Variants in RBFOX3 observed in about 807,000 individuals in gnomAD.
The protein encoded by RBFOX3 is RNA binding protein fox-1 homolog 3.
In RBFOX3, 17 loss-of-function variants were observed where a neutral mutation model predicts 48.7. That is an observed-to-expected ratio of 0.35 (90% CI 0.24 to 0.52). The LOEUF (loss-of-function observed/expected upper bound fraction) is 0.52, where lower values mean the gene tolerates loss of function less well. Among genes scored for constraint, RBFOX3 ranks in the 20% least tolerant of loss-of-function variants. The pLI is 0.94. For synonymous variants in RBFOX3, 212 were observed against 209.5 expected, an observed-to-expected ratio of 1.01 and a Z score of -0.10; for missense variants, 382 against 497.5, an observed-to-expected ratio of 0.77 and a Z score of 2.21.
intron 2 of RBFOX3, among the ~76,000 whole-genome samples, chr17:79,400,186 G>A (rs939078769): frequency 6.6e-6 from 1 of 152,104 alleles, no homozygotes; most frequent in Admixed American, 6.5e-5. Context: ...AAACTGGGTG[G>A]CTCAGAGCAA....
At chr17:79,170,036 A>G (rs563874793) in intron 4 of RBFOX3, among the ~76,000 whole-genome samples, 1 of 144,418 alleles carries the variant, frequency 6.9e-6, no homozygotes, top group Non-Finnish European at 1.5e-5. Context: ...GAAGGAGAGA[A>G]GGAAGGAGAA....
chr17:79,224,375 C>G (rs1167132545), intron 4 of RBFOX3, among the ~76,000 whole-genome samples: 1 of 152,220 alleles, frequency 6.6e-6, no homozygotes, highest in Non-Finnish European at 1.5e-5. Context: ...GTGGACTTTC[C>G]CTTCCACAGG....
At position 79,549,833 on chromosome 17, in the gene RBFOX3, A is replaced by G. The variant is rs549214442; in HGVS notation, c.-320+60993T>C. Among the ~76,000 whole-genome samples the G allele has an allele frequency of 4.6e-5, 7 of 152,342 alleles. No individual in the cohort carries two copies. In the South Asian group the frequency reaches 1.5e-3, roughly 32 times the overall value. On this transcript the variant is annotated intron_variant, in intron 1 of 14. Coordinates refer to ENST00000693108, the MANE Select transcript of RBFOX3 (RefSeq NM_001350451.2). ...GCCTGGTCAGAGCTAACGTTCAATC[A>G]AGAATGTCGAATCGTCATAAAAAGT...
At chr17:79,646,465 G>A in the RBFOX3 span, among the ~76,000 whole-genome samples, 1 of 152,204 alleles carries the variant, frequency 6.6e-6, no homozygotes, top group Admixed American at 6.5e-5. Context: ...CACAGTCATG[G>A]CAGAAGGCAA....
chr17:79,173,219 A>ATACATACATACATAC lies in RBFOX3; in HGVS notation c.-33-57472_-33-57471insGTATGTATGTATGTA, dbSNP rs1555730608. Among the ~76,000 whole-genome samples the ATACATACATACATAC allele has an allele frequency of 1.7e-3, 253 of 150,706 alleles. 3 individuals are homozygous for ATACATACATACATAC. The highest frequency in any genetic ancestry group is 3.2e-3 in the African/African-American group (132 of 40,640). ...AACGAGACTGTCAAATAAATAAATA[A>ATACATACATACATAC]ATACATACATACATACATACGTACA... On this transcript the variant is annotated intron_variant, in intron 4 of 14. Coordinates refer to ENST00000693108, the MANE Select transcript of RBFOX3 (RefSeq NM_001350451.2).
the RBFOX3 span, among the ~76,000 whole-genome samples, chr17:79,655,198 G>A: frequency 6.6e-6 from 1 of 152,172 alleles, no homozygotes; most frequent in Non-Finnish European, 1.5e-5. Context: ...CCTGCACCCG[G>A]ACCAGCACGA....
intron 4 of RBFOX3, among the ~76,000 whole-genome samples, chr17:79,196,170 C>G (rs1003817566): frequency 7.9e-5 from 12 of 152,180 alleles, no homozygotes; most frequent in African/African-American, 2.7e-4. Flanking sequence ...TCACTGCCCC[C>G]TTCTACTGGA....
intron 2 of RBFOX3, among the ~76,000 whole-genome samples, chr17:79,321,224 C>T (rs926182333): frequency 1.3e-5 from 2 of 152,254 alleles, no homozygotes; most frequent in African/African-American, 4.8e-5. Context: ...TCTATGGGCT[C>T]ATTTCCCTTC....
intron 4 of RBFOX3, among the ~76,000 whole-genome samples, chr17:79,192,327 C>T (rs1394742251): frequency 6.6e-6 from 1 of 152,214 alleles, no homozygotes. Context: ...GGGGAGCCGT[C>T]TGTTCCTGCT....
At chr17:79,232,418 A>C (rs1383297203) in intron 4 of RBFOX3, among the ~76,000 whole-genome samples, 1 of 152,246 alleles carries the variant, frequency 6.6e-6, no homozygotes, top group African/African-American at 2.4e-5. Context: ...CTGTGGTAGG[A>C]CTGGCATCAA....
intron 1 of RBFOX3, among the ~76,000 whole-genome samples, chr17:79,586,886 T>G (rs2093267548): frequency 6.6e-6 from 1 of 152,232 alleles, no homozygotes; most frequent in African/African-American, 2.4e-5. Context: ...GCTGTCGATA[T>G]TCCTTTATGA....
chr17:79,449,130 G>T (rs1044361068), intron 2 of RBFOX3, among the ~76,000 whole-genome samples: 2 of 152,130 alleles, frequency 1.3e-5, no homozygotes, highest in Non-Finnish European at 2.9e-5. Context: ...AGAGGAGAGG[G>T]AGAGCAAACA....
At chr17:79,659,177 G>C in the RBFOX3 span, among the ~76,000 whole-genome samples, 2 of 152,264 alleles carry the variant, frequency 1.3e-5, no homozygotes, top group South Asian at 4.1e-4. Context: ...GGAAGGCATT[G>C]CTTCCGTCTA....
At chr17:79,595,017 G>A (rs1462376076) in intron 1 of RBFOX3, among the ~76,000 whole-genome samples, 4 of 152,166 alleles carry the variant, frequency 2.6e-5, no homozygotes, top group African/African-American at 9.7e-5. Flanking sequence ...TTTGGCACAA[G>A]TGCTGACCAA....
At chr17:79,288,225 A>T (rs1227136369) in intron 3 of RBFOX3, among the ~76,000 whole-genome samples, 1 of 152,182 alleles carries the variant, frequency 6.6e-6, no homozygotes, top group African/African-American at 2.4e-5. Context: ...TCTCGGGGCC[A>T]GGGAAGCTCA....
At chr17:79,409,734 C>G (rs984242785) in intron 2 of RBFOX3, among the ~76,000 whole-genome samples, 1 of 152,222 alleles carries the variant, frequency 6.6e-6, no homozygotes, top group African/African-American at 2.4e-5. Context: ...CCCGTATTCC[C>G]ACAGAGCGGG....
chr17:79,401,213 G>C, intron 2 of RBFOX3, among the ~76,000 whole-genome samples: 1 of 152,196 alleles, frequency 6.6e-6, no homozygotes, highest in South Asian at 2.1e-4. Context: ...TCGGGGCTCC[G>C]CGGTCAGGTT....
intron 1 of RBFOX3, among the ~76,000 whole-genome samples, chr17:79,505,067 G>A (rs1441264669): frequency 2.6e-5 from 4 of 152,164 alleles, no homozygotes; most frequent in African/African-American, 9.7e-5. Context: ...CATCCCCAAA[G>A]CTCAGGCATC....
intron 1 of RBFOX3, among the ~76,000 whole-genome samples, chr17:79,519,997 G>A (rs1190137251): frequency 6.6e-6 from 1 of 151,278 alleles, no homozygotes; most frequent in East Asian, 1.9e-4. Flanking sequence ...GCCGAGTTCT[G>A]AGTCCTAGCA....
Sources: allele counts gnomAD v4.1 joint callset (sites outside exome capture counted in the v4.1 genomes callset), GRCh38; gene constraint gnomAD v4.1.1; transcripts MANE v1.5; gene names NCBI Gene and HGNC (gene_info 2026-07-23, HGNC 2026-07-21).